The following CARMIL1 variants were observed in gnomAD, a reference collection of about 807,000 sequenced individuals.
The protein encoded by CARMIL1 is capping protein regulator and myosin 1 linker 1.
Under a neutral mutation model 177.1 loss-of-function variants are expected in CARMIL1, and 90 were observed. The ratio of observed to expected loss-of-function variants is 0.51; its 90% confidence interval spans 0.43 to 0.61. The LOEUF is 0.61. Among genes scored for constraint, CARMIL1 ranks in the 20% least tolerant of loss-of-function variants. CARMIL1 has a pLI of 0.00. For missense variants in CARMIL1, 1,380 were observed against 1,667.0 expected, an observed-to-expected ratio of 0.83 and a Z score of 3.00; for synonymous variants, 577 against 606.2, an observed-to-expected ratio of 0.95 and a Z score of 0.71.
chr6:25,405,997 T>A (rs960249080), intron 2 of CARMIL1, among the ~76,000 whole-genome samples: 4 of 152,170 alleles, frequency 2.6e-5, no homozygotes, highest in Non-Finnish European at 5.9e-5. Context: ...CAACAGATAT[T>A]TGAACACCTA....
chr6:25,281,166 A>T (rs537531964), intron 1 of CARMIL1, among the ~76,000 whole-genome samples: 1 of 149,938 alleles, frequency 6.7e-6, no homozygotes, highest in African/African-American at 2.5e-5. Flanking sequence ...ACACACACAC[A>T]CACGCACCTC....
In CARMIL1 at chr6:25,319,086, G is replaced by A. The variant is rs148064957; in HGVS notation, c.138+34177G>A. On this transcript the variant is annotated intron_variant, in intron 2 of 36. Transcript: ENST00000329474. Reference sequence around the variant, plus strand: ...AGGGCAAATCAAATGAGAAGGAGCTGCCGTGTTTAAAATTACTATGAGGAT... The same window carrying A: ...AGGGCAAATCAAATGAGAAGGAGCTACCGTGTTTAAAATTACTATGAGGAT... Among the ~76,000 whole-genome samples the A allele has an allele frequency of 3.3e-3, 495 of 152,274 alleles. 4 individuals are homozygous for A. The highest frequency in any genetic ancestry group is 0.011 in the African/African-American group (458 of 41,546).
At chr6:25,582,967 G>T (rs1305024655) in intron 31 of CARMIL1, among the ~76,000 whole-genome samples, 1 of 152,180 alleles carries the variant, frequency 6.6e-6, no homozygotes, top group African/African-American at 2.4e-5. Flanking sequence ...GGGACATGCT[G>T]CCCCAAAATA....
intron 36 of CARMIL1, among the ~76,000 whole-genome samples, chr6:25,618,710 A>G (rs1250044283): frequency 6.6e-6 from 1 of 152,212 alleles, no homozygotes; most frequent in African/African-American, 2.4e-5. Context: ...TCCAGTAATG[A>G]TTCTCCTATC....
At chr6:25,313,519 C>T (rs375285134) in intron 2 of CARMIL1, among the ~76,000 whole-genome samples, 5 of 151,916 alleles carry the variant, frequency 3.3e-5, no homozygotes, top group African/African-American at 1.2e-4. Context: ...GGGATGAGAG[C>T]ACTGAGCCTA....
At chr6:25,307,822 T>C (rs900372924) in intron 2 of CARMIL1, among the ~76,000 whole-genome samples, 16 of 152,216 alleles carry the variant, frequency 1.1e-4, no homozygotes, top group African/African-American at 3.9e-4. Context: ...AAATCTGAAG[T>C]GTAAGCCTCT....
At chr6:25,551,874 A>G (rs1012125941) in intron 27 of CARMIL1, among the ~76,000 whole-genome samples, 3 of 152,152 alleles carry the variant, frequency 2.0e-5, no homozygotes, top group African/African-American at 4.8e-5. Flanking sequence ...GTGCTAACAC[A>G]CAATGATACA....
chr6:25,564,960 G>A lies in CARMIL1; in HGVS notation c.2742+8110G>A, dbSNP rs903636918. ...TGGGGGAGGGGTGTTGTTAAGGAAG[G>A]CTTCCTGGAGGAAGGTTCTATGCAT... is the stretch of plus-strand genomic sequence containing the variant. On this transcript the variant is annotated intron_variant, in intron 29 of 36. Transcript: ENST00000329474. Among the ~76,000 whole-genome samples the A allele has an allele frequency of 4.6e-5, 7 of 152,128 alleles. No homozygotes were observed. In the South Asian group the frequency reaches 8.3e-4, roughly 18 times the overall value.
chr6:25,488,335 A>G (rs1033394289), intron 12 of CARMIL1, 147 bp from the exon 13 acceptor site: 11 of 672,656 alleles, frequency 1.6e-5, no homozygotes, highest in Admixed American at 9.2e-5. Flanking sequence ...AAAAGGAGAC[A>G]CAATCATAGC....
At chr6:25,366,003 G>A (rs1251975015) in intron 2 of CARMIL1, among the ~76,000 whole-genome samples, 3 of 152,034 alleles carry the variant, frequency 2.0e-5, no homozygotes, top group South Asian at 4.1e-4. Context: ...ACGTATGTAT[G>A]TATTATGTAT....
rs570653855 is a variant in CARMIL1, at chr6:25,562,261, T to C, written c.2742+5411T>C. ...ACCCAGATATCTTTTTTTTTTTTTT[T>C]CTTTGAGACGGAGTCTTGCTCTGTC... On this transcript the variant is annotated intron_variant, in intron 29 of 36. Coordinates refer to ENST00000329474, the MANE Select transcript of CARMIL1 (RefSeq NM_017640.6). Among the ~76,000 whole-genome samples, 139 of 151,662 alleles carry C rather than the reference T, an allele frequency of 9.2e-4. 3 individuals carry two copies. Among genetic ancestry groups the C allele is most frequent in the East Asian group, 7.2e-3 (37 of 5,168 alleles).
chr6:25,441,377 G>GTGTGTGTC lies in CARMIL1; in HGVS notation c.371+5780_371+5781insCTGTGTGT, dbSNP rs1554196499. ...TGTGTGTGTGTGTGTGTGTGTCTATGTGTGTGTGTGTGTATGTATATGTAA... is the reference window on the plus strand; with the variant it reads ...TGTGTGTGTGTGTGTGTGTGTCTATGTGTGTGTCTGTGTGTGTGTGTATGTATATGTAA... On this transcript the variant is annotated intron_variant, in intron 5 of 36. Coordinates refer to ENST00000329474, the MANE Select transcript of CARMIL1 (RefSeq NM_017640.6). Among the ~76,000 whole-genome samples, 14 of 146,600 alleles carry GTGTGTGTC rather than the reference G, an allele frequency of 9.5e-5. No individual in the cohort carries two copies. The East Asian group carries it at 2.8e-3, about 29-fold the overall frequency.
intron 8 of CARMIL1, among the ~76,000 whole-genome samples, chr6:25,455,110 A>G (rs1384732899): frequency 1.3e-5 from 2 of 152,192 alleles, no homozygotes; most frequent in East Asian, 3.8e-4. Context: ...ATTTGAACAT[A>G]TGTCCCCTAT....
intron 17 of CARMIL1, among the ~76,000 whole-genome samples, chr6:25,501,463 A>G (rs1475255511): frequency 3.9e-5 from 6 of 152,148 alleles, no homozygotes; most frequent in South Asian, 2.1e-4. Context: ...AACTCTCCCA[A>G]TGGATTGTTA....
chr6:25,375,498 A>G (rs1392498589), intron 2 of CARMIL1, among the ~76,000 whole-genome samples: 1 of 152,162 alleles, frequency 6.6e-6, no homozygotes, highest in Non-Finnish European at 1.5e-5. Flanking sequence ...ATCTCCCAGG[A>G]ATTATTTATG....
In CARMIL1 at chr6:25,515,628, G is replaced by A. The variant is rs1322880745; in HGVS notation, c.1633-47G>A. The A allele has an allele frequency of 7.2e-6, 11 of 1,535,504 alleles. No individual in the cohort carries two copies. Among genetic ancestry groups the A allele is most frequent in the Admixed American group, 1.9e-5 (1 of 51,532 alleles). Reference sequence around the variant, plus strand: ...ACGAAATGCGTCGTGGAGAGTGGGTGCTGCTTTGATGAGACTGCTGAGTGC... The same window carrying A: ...ACGAAATGCGTCGTGGAGAGTGGGTACTGCTTTGATGAGACTGCTGAGTGC... On this transcript the variant is annotated intron_variant, in intron 20 of 36. Coordinates refer to ENST00000329474, the MANE Select transcript of CARMIL1 (RefSeq NM_017640.6). The surrounding 1 kb of genome is among the most constrained non-coding windows in gnomAD (Gnocchi z 5.0).
chr6:25,596,071 T>C (rs907263330), intron 32 of CARMIL1, among the ~76,000 whole-genome samples: 1 of 152,226 alleles, frequency 6.6e-6, no homozygotes, highest in African/African-American at 2.4e-5. Flanking sequence ...CGATCCGAAC[T>C]GTACATATTG....
At chr6:25,457,678 G>C (rs1011065315) in intron 8 of CARMIL1, among the ~76,000 whole-genome samples, 1 of 152,174 alleles carries the variant, frequency 6.6e-6, no homozygotes, top group Admixed American at 6.5e-5. Flanking sequence ...TTCCACGAGA[G>C]TGCATAATCC....
chr6:25,619,412 G>A, intron 36 of CARMIL1, 35 bp from the exon 37 acceptor site: 3 of 1,599,524 alleles, frequency 1.9e-6, no homozygotes, highest in Middle Eastern at 1.7e-4. Flanking sequence ...GTATTACTTT[G>A]TCAGTAAACT....
Sources: gnomAD v4.1 joint callset for allele counts (sites outside exome capture counted in the v4.1 genomes callset) on GRCh38, gnomAD v4.1.1 for gene constraint, Gnocchi (gnomAD v3.1) non-coding constraint, MANE v1.5 for transcripts, NCBI Gene and HGNC (gene_info 2026-07-23, HGNC 2026-07-21) for gene names.